The following PCDHGA2 variants were observed in gnomAD, a reference collection of about 807,000 sequenced individuals.
PCDHGA2 encodes protocadherin gamma subfamily A, 2.
A neutral mutation model predicts 59.2 loss-of-function variants in PCDHGA2; 40 were observed. The ratio of observed to expected loss-of-function variants is 0.68; its 90% confidence interval spans 0.52 to 0.88. The LOEUF (loss-of-function observed/expected upper bound fraction) is 0.88, where lower values mean the gene tolerates loss of function less well. PCDHGA2 is among the 40% of genes least tolerant of loss of function. PCDHGA2 has a pLI of 0.00. For missense variants in PCDHGA2, 1,226 were observed against 1,204.0 expected (o/e 1.02, Z -0.27); for synonymous variants, 560 against 526.0 (o/e 1.06, Z -0.89).
At chr5:141,366,053 G>T in intron 1 of PCDHGA2, 1 of 1,614,252 alleles carries the variant, frequency 6.2e-7, no homozygotes, top group Non-Finnish European at 8.5e-7. Context: ...TTCCACGGGC[G>T]TGGAGCTGGC....
chr5:141,360,963 G>A (rs914860151), intron 1 of PCDHGA2: 8 of 1,613,778 alleles, frequency 5.0e-6, no homozygotes, highest in Non-Finnish European at 6.8e-6. Context: ...TAAACGCAGA[G>A]ATCACCTACT....
At chr5:141,397,627 T>C (rs2093547800) in intron 1 of PCDHGA2, among the ~76,000 whole-genome samples, 1 of 152,224 alleles carries the variant, frequency 6.6e-6, no homozygotes, top group African/African-American at 2.4e-5. Context: ...TAGTTCTAGC[T>C]AAGAGTTCAA....
chr5:141,423,806 T>C (rs2096783171), intron 1 of PCDHGA2: 1 of 1,251,576 alleles, frequency 8.0e-7, no homozygotes, highest in Non-Finnish European at 1.0e-6. Flanking sequence ...GCAATACATG[T>C]GAGTTTTACT....
chr5:141,499,404 T>G (rs1468724077), intron 2 of PCDHGA2, among the ~76,000 whole-genome samples: 3 of 152,178 alleles, frequency 2.0e-5, no homozygotes, highest in African/African-American at 7.2e-5. Context: ...ACATGCTCAT[T>G]ATAGAAACAT....
chr5:141,458,390 C>T (rs2098944487), intron 1 of PCDHGA2, among the ~76,000 whole-genome samples: 1 of 152,058 alleles, frequency 6.6e-6, no homozygotes, highest in Non-Finnish European at 1.5e-5. Context: ...GAAGACGCTC[C>T]CCCTTGCAGA....
At chr5:141,416,124 AT>A (rs1297389183) in intron 1 of PCDHGA2, 1 of 154,644 alleles carries the variant, frequency 6.5e-6, no homozygotes, top group Non-Finnish European at 1.4e-5. Flanking sequence ...CATTTTATAT[AT>A]TTTTCAATCT....
At position 141,340,802 on chromosome 5, in the gene PCDHGA2, G is replaced by A. The variant is rs1756985576; in HGVS notation, c.1831G>A (p.Ala611Thr). 1 of 1,613,740 alleles carries A rather than the reference G, an allele frequency of 6.2e-7. No individual in the cohort carries two copies. Among genetic ancestry groups the A allele is most frequent in the South Asian group, 1.1e-5 (1 of 91,044 alleles). ...NAWLSYHLLK[A>T]SEPGLFSVGL... ...CTGGCTGTCTTACCACCTGCTCAAG[G>A]CCAGCGAGCCGGGACTCTTCTCGGT... The change falls in exon 1 of 4, where the codon GCC becomes ACC. Residue 611 changes from alanine (A) to threonine (T), a missense_variant. Transcript: ENST00000394576.
chr5:141,421,254 C>T, intron 1 of PCDHGA2: 1 of 1,607,460 alleles, frequency 6.2e-7, no homozygotes, highest in East Asian at 2.2e-5. Flanking sequence ...AGCGCGGGGA[C>T]CGCAGTCGGC....
chr5:141,351,871 G>C, intron 1 of PCDHGA2: 3 of 1,613,256 alleles, frequency 1.9e-6, no homozygotes, highest in Non-Finnish European at 2.5e-6. Context: ...GCTCCCCCGC[G>C]CTCAGCGCCA....
At position 141,378,204 on chromosome 5, in the gene PCDHGA2, T is replaced by C. The variant is rs1335712124; in HGVS notation, c.2424+36809T>C. On this transcript the variant is annotated intron_variant, in intron 1 of 3. Coordinates refer to ENST00000394576, the MANE Select transcript of PCDHGA2 (RefSeq NM_018915.4). ...TGCTGTGTGCCTACTACAGTGTCTT[T>C]TGCATACTGTGTGCCTGATAGTATT... The C allele has an allele frequency of 1.4e-4, 22 of 152,240 alleles. 1 individual carries two copies. Among genetic ancestry groups the C allele is most frequent in the Admixed American group, 1.4e-3 (22 of 15,288 alleles). The allele number at this position is 152,240 out of a possible 1,614,324, so 9.4% of individuals were successfully genotyped here.
intron 1 of PCDHGA2, chr5:141,343,095 G>T (rs1288740595): frequency 5.9e-6 from 1 of 169,414 alleles, no homozygotes; most frequent in East Asian, 1.9e-4. Context: ...AATTATCTCA[G>T]TACACTGCAA....
At chr5:141,410,847 G>GTTTT (rs773839667) in intron 1 of PCDHGA2, 2 of 158,344 alleles carry the variant, frequency 1.3e-5, no homozygotes, top group African/African-American at 1.7e-4. Context: ...TTTTGTCTTT[G>GTTTT]TCTTTTTTTT....
intron 1 of PCDHGA2, among the ~76,000 whole-genome samples, chr5:141,430,064 A>T (rs1482609618): frequency 6.6e-6 from 1 of 152,190 alleles, no homozygotes; most frequent in Non-Finnish European, 1.5e-5. Flanking sequence ...TATCATTTTT[A>T]GGTTTCCATA....
chr5:141,350,092 G>T (rs1057336491), intron 1 of PCDHGA2: 2 of 457,886 alleles, frequency 4.4e-6, no homozygotes, highest in African/African-American at 2.0e-5. Flanking sequence ...GGAGCGTCAG[G>T]CAGGGTGCCT....
At chr5:141,376,572 A>C (rs776986338) in intron 1 of PCDHGA2, 1 of 1,600,622 alleles carries the variant, frequency 6.2e-7, no homozygotes, top group South Asian at 1.1e-5. Context: ...CTAATCAGAC[A>C]GGCTCATCAG....
At chr5:141,351,387 G>A (rs759839362) in intron 1 of PCDHGA2, 1 of 1,611,984 alleles carries the variant, frequency 6.2e-7, no homozygotes, top group Non-Finnish European at 8.5e-7. Flanking sequence ...GGGCAAAATG[G>A]CATGGTGACA....
intron 2 of PCDHGA2, among the ~76,000 whole-genome samples, chr5:141,504,782 G>A (rs2099841011): frequency 6.6e-6 from 1 of 151,926 alleles, no homozygotes; most frequent in Non-Finnish European, 1.5e-5. Context: ...AGGGTCTCTT[G>A]GGGCCTCCTA....
At chr5:141,372,494 A>T in intron 1 of PCDHGA2, 1 of 1,613,974 alleles carries the variant, frequency 6.2e-7, no homozygotes, top group Non-Finnish European at 8.5e-7. Flanking sequence ...CCTTGATCTC[A>T]GTGCTCTTCC....
chr5:141,402,197 A>G (rs1346156119), intron 1 of PCDHGA2, among the ~76,000 whole-genome samples: 5 of 152,132 alleles, frequency 3.3e-5, no homozygotes, highest in Non-Finnish European at 5.9e-5. Context: ...TATTACTTTT[A>G]TAATACAAAA....
Sources: allele counts gnomAD v4.1 joint callset (sites outside exome capture counted in the v4.1 genomes callset), GRCh38; gene constraint gnomAD v4.1.1; transcripts MANE v1.5; gene names NCBI Gene and HGNC (gene_info 2026-07-23, HGNC 2026-07-21).